The following SS18 variants were observed in gnomAD, a reference collection of about 807,000 sequenced individuals.
SS18 encodes protein SSXT.
SS18 carries 28 observed loss-of-function variants against 72.5 expected under a neutral mutation model. The observed-to-expected ratio is 0.39, with a 90% CI of 0.29 to 0.53. The LOEUF is 0.53. Ranked by LOEUF, SS18 falls within the 20% of genes least tolerant of loss-of-function variation. The pLI, the probability that SS18 is intolerant of heterozygous loss-of-function variation, is 0.76. For missense variants in SS18, 518 were observed against 535.3 expected (o/e 0.97, Z 0.32); for synonymous variants, 172 against 164.2 (o/e 1.05, Z -0.37).
rs755398142 is a variant in SS18 at position 26,038,694 on chromosome 18, G to A, written c.776-35C>T. The A allele has an allele frequency of 7.8e-6, 12 of 1,530,472 alleles. No homozygotes were observed. The Admixed American group carries it at 1.2e-4, about 15-fold the overall frequency. The allele number at this position is 1,530,472 out of a possible 1,614,324, so 94.8% of individuals were successfully genotyped here. On this transcript the variant is annotated intron_variant, in intron 6 of 10. Transcript: ENST00000415083. ...CACAACCAGTCAAGATATAAATAAT[G>A]TGTTCTCTATGTCATCAAAGGCTTT...
intron 5 of SS18, among the ~76,000 whole-genome samples, chr18:26,050,521 ACTT>A (rs1376492769): frequency 2.6e-5 from 4 of 152,118 alleles, no homozygotes; most frequent in African/African-American, 9.7e-5. Flanking sequence ...CTCACCATGA[ACTT>A]CTTTATTAAA....
At chr18:26,046,743 A>T (rs2143939757) in intron 5 of SS18, among the ~76,000 whole-genome samples, 1 of 152,320 alleles carries the variant, frequency 6.6e-6, no homozygotes, top group East Asian at 1.9e-4. Flanking sequence ...CCAGGTTTGT[A>T]AAATCTCATA....
rs2053261644 is a variant in SS18, at chr18:26,017,014, T to C, written c.*1340A>G. ...GCAACTTACCTTTGGGCTAGATGTT[T>C]TCAGATTATGCTTAAATAACCGTGG... On this transcript the variant is annotated 3_prime_UTR_variant, in exon 11 of 11. Coordinates refer to ENST00000415083, the MANE Select transcript of SS18 (RefSeq NM_001007559.3). 4.4e-6 allele frequency: 1 copy of C among 225,780 alleles called. No individual in the cohort carries two copies. The highest frequency in any genetic ancestry group is 8.8e-6 in the Non-Finnish European group (1 of 113,190). 14.0% of individuals were successfully genotyped at this position (225,780 alleles called of 1,614,324 possible). A position where few individuals can be genotyped will look rare whatever the true frequency, so the allele number is the denominator to read the frequency against.
At position 26,080,244 on chromosome 18, in the gene SS18, T is replaced by C. The variant is rs1195210844; in HGVS notation, c.147-2084A>G. 4 of 555,162 alleles carry C rather than the reference T, an allele frequency of 7.2e-6. No homozygotes were observed. The Admixed American group carries it at 2.5e-4, about 35-fold the overall frequency. The allele number at this position is 555,162 out of a possible 1,614,324, so 34.4% of individuals were successfully genotyped here. Reference sequence around the variant, plus strand: ...ATCTAGGAAGGAACTTAAAATATAGTGTTCCATATCTTGCCATTTTTTAAA... The same window carrying C: ...ATCTAGGAAGGAACTTAAAATATAGCGTTCCATATCTTGCCATTTTTTAAA... On this transcript the variant is annotated intron_variant, in intron 2 of 10. Coordinates refer to ENST00000415083, the MANE Select transcript of SS18 (RefSeq NM_001007559.3).
intron 1 of SS18, among the ~76,000 whole-genome samples, chr18:26,088,533 T>G (rs1162549915): frequency 4.6e-5 from 7 of 152,232 alleles, no homozygotes; most frequent in Admixed American, 4.6e-4. Flanking sequence ...ACATACCGAT[T>G]TATCATTCTA....
chr18:26,078,056 A>G lies in SS18; in HGVS notation c.231+20T>C. ...TAACTATAAAGATTGTCTACTTCAC[A>G]TGATTTTAAAGATACTTACTGCTGG... On this transcript the variant is annotated intron_variant, in intron 3 of 10. Coordinates refer to ENST00000415083, the MANE Select transcript of SS18 (RefSeq NM_001007559.3). The G allele has an allele frequency of 1.3e-6, 2 of 1,567,450 alleles. No individual in the cohort carries two copies. Among genetic ancestry groups the G allele is most frequent in the South Asian group, 1.1e-5 (1 of 88,262 alleles).
At chr18:26,060,455 T>C (rs2054098967) in intron 3 of SS18, among the ~76,000 whole-genome samples, 1 of 152,118 alleles carries the variant, frequency 6.6e-6, no homozygotes, top group Middle Eastern at 3.2e-3. Flanking sequence ...GAAAACATTC[T>C]GAAATTAGAT....
chr18:26,088,197 T>G (rs534422839), intron 1 of SS18, among the ~76,000 whole-genome samples: 1 of 152,350 alleles, frequency 6.6e-6, no homozygotes, highest in Non-Finnish European at 1.5e-5. Context: ...TATCAAACAT[T>G]TAATTACCTC....
chr18:26,065,824 T>TATATATATATATATATATAC (rs10527527), intron 3 of SS18, among the ~76,000 whole-genome samples: 1 of 136,740 alleles, frequency 7.3e-6, no homozygotes, highest in Non-Finnish European at 1.6e-5. Context: ...TATATATATA[T>TATATATATATATATATATAC]GATCATTTTA....
chr18:26,084,058 A>G (rs1201300812), intron 2 of SS18: 2 of 152,168 alleles, frequency 1.3e-5, no homozygotes, highest in South Asian at 2.1e-4. Context: ...CCACCTGCAC[A>G]GGAAAAAAAA....
Position 26,016,393 on chromosome 18 carries a change from C to T in SS18, c.*1961G>A, listed in dbSNP as rs1364520867. The T allele has an allele frequency of 5.5e-6, 1 of 183,014 alleles. No individual in the cohort carries two copies. The highest frequency in any genetic ancestry group is 2.4e-5 in the African/African-American group (1 of 42,524). The allele number at this position is 183,014 out of a possible 1,614,324, so 11.3% of individuals were successfully genotyped here. A position where few individuals can be genotyped will look rare whatever the true frequency, so the allele number is the denominator to read the frequency against. ...GCTGTCCATGATTTATCTGTTCAAA[C>T]TTGATGTCCATTTTCTACTGATCAA... On this transcript the variant is annotated 3_prime_UTR_variant, in exon 11 of 11. Transcript: ENST00000415083.
chr18:26,059,712 T>C (rs1435366504), intron 3 of SS18, among the ~76,000 whole-genome samples: 1 of 152,248 alleles, frequency 6.6e-6, no homozygotes, highest in African/African-American at 2.4e-5. Flanking sequence ...AACCTCCTAG[T>C]ACTTCACATA....
At chr18:26,019,905 AATG>A (rs980461841) in intron 10 of SS18, among the ~76,000 whole-genome samples, 2 of 152,030 alleles carry the variant, frequency 1.3e-5, no homozygotes, top group African/African-American at 4.8e-5. Context: ...TTATGAGTAA[AATG>A]ATATCACATC....
rs200580207 is a variant in SS18, at chr18:26,018,444, C to CA, written c.1231-65dup. ...TGACCATAACAGGCAAAGAAGATTA[C>CA]AAACGAATCATTTCTAACACTGTCA... On this transcript the variant is annotated intron_variant, in intron 10 of 10. Coordinates refer to ENST00000415083, the MANE Select transcript of SS18 (RefSeq NM_001007559.3). 5.5e-4 allele frequency: 693 copies of CA among 1,270,718 alleles called. 4 individuals are homozygous for CA. In the African/African-American group the frequency reaches 8.9e-3, roughly 16 times the overall value. 78.7% of individuals were successfully genotyped at this position (1,270,718 alleles called of 1,614,324 possible).
chr18:26,046,402 C>G (rs1358829058), intron 5 of SS18, among the ~76,000 whole-genome samples: 2 of 152,060 alleles, frequency 1.3e-5, no homozygotes, highest in Non-Finnish European at 2.9e-5. Flanking sequence ...GGATTGGCAT[C>G]CAACATTTTA....
intron 10 of SS18, among the ~76,000 whole-genome samples, chr18:26,019,557 T>C (rs2053307843): frequency 6.6e-6 from 1 of 152,108 alleles, no homozygotes; most frequent in African/African-American, 2.4e-5. Context: ...ACACCTGTAA[T>C]CCCAGCACTT....
At chr18:26,058,719 A>G (rs1264570350) in intron 3 of SS18, among the ~76,000 whole-genome samples, 1 of 152,228 alleles carries the variant, frequency 6.6e-6, no homozygotes, top group African/African-American at 2.4e-5. Context: ...AATCACTAAC[A>G]TTTACAGAAA....
At chr18:26,046,217 AGAAAAAAAAAG>A (rs1485122842) in intron 5 of SS18, among the ~76,000 whole-genome samples, 12 of 144,592 alleles carry the variant, frequency 8.3e-5, no homozygotes, top group African/African-American at 2.1e-4. Context: ...AAAAAGAAGT[AGAAAAAAAAAG>A]GAAAAAAAAA....
intron 5 of SS18, among the ~76,000 whole-genome samples, chr18:26,047,559 C>A (rs2053848177): frequency 6.6e-6 from 1 of 152,092 alleles, no homozygotes; most frequent in African/African-American, 2.4e-5. Context: ...AAATTCCAGC[C>A]GGGCGTGGTG....
Sources: gnomAD v4.1 joint callset for allele counts (sites outside exome capture counted in the v4.1 genomes callset) on GRCh38, gnomAD v4.1.1 for gene constraint, MANE v1.5 for transcripts, NCBI Gene and HGNC (gene_info 2026-07-23, HGNC 2026-07-21) for gene names.